The following FIGNL2 variants were observed in gnomAD, a reference collection of about 807,000 sequenced individuals.
FIGNL2 encodes fidgetin like 2.
For synonymous variants in FIGNL2, 565 were observed against 484.0 expected, an observed-to-expected ratio of 1.17 and a Z score of -2.20; for missense variants, 1,060 against 950.2, an observed-to-expected ratio of 1.12 and a Z score of -1.52.
At chr12:51,835,844 T>C (rs1939571228) in intron 1 of FIGNL2, among the ~76,000 whole-genome samples, 2 of 151,038 alleles carry the variant, frequency 1.3e-5, no homozygotes, top group Non-Finnish European at 2.9e-5. Context: ...TTCATTCTTA[T>C]CACCCAGGCT....
chr12:51,822,332 G>T lies in FIGNL2; in HGVS notation c.82C>A (p.Pro28Thr), dbSNP rs1490852794. The T allele has an allele frequency of 5.0e-6, 8 of 1,613,256 alleles. No homozygotes were observed. The highest frequency in any genetic ancestry group is 6.8e-6 in the Non-Finnish European group (8 of 1,179,734). The change falls in exon 2 of 2, where the codon CCG becomes ACG. Residue 28 changes from proline (P) to threonine (T), a missense_variant. Pro to Thr is a conservative substitution (Grantham distance 38). Transcript: ENST00000618634. ...HLDVSSTTPS[P>T]AHKLELPPGG... ...GGGGGCAACTCCAACTTGTGGGCCG[G>T]CGACGGGGTGGTGGAGGAGACGTCC...
In FIGNL2 at chr12:51,821,621, G is replaced by C. The variant is rs1224505943; in HGVS notation, c.793C>G (p.Leu265Val). ...CCCTCGTCGGCGGCCTTGCGCTTCA[G>C]CGACAGCCCGGATTCGGCACCCGGC... is the stretch of plus-strand genomic sequence containing the variant. ...AAPGAESGLS[L>V]KRKAADEGPE... is the part of the protein sequence containing the mutation. The change falls in exon 2 of 2, where the codon CTG becomes GTG. Residue 265 changes from leucine to valine, a missense_variant. Physicochemically the swap from Leu to Val is conservative, Grantham distance 32. Transcript: ENST00000618634. The C allele has an allele frequency of 1.5e-5, 23 of 1,494,908 alleles. No homozygotes were observed. The highest frequency in any genetic ancestry group is 1.9e-5 in the Non-Finnish European group (21 of 1,127,994). The allele number at this position is 1,494,908 out of a possible 1,614,324, so 92.6% of individuals were successfully genotyped here.
At position 51,833,616 on chromosome 12, in the gene FIGNL2, G is replaced by C. The variant is rs541322392; in HGVS notation, c.-11-11192C>G. Among the ~76,000 whole-genome samples, 1,225 of 151,930 alleles carry C rather than the reference G, an allele frequency of 8.1e-3. 13 individuals carry two copies. Among genetic ancestry groups the C allele is most frequent in the Non-Finnish European group, 0.014 (962 of 67,928 alleles). On this transcript the variant is annotated intron_variant, in intron 1 of 1. Transcript: ENST00000618634. ...CCCTGGCCTCCTCACAGCTCCTCCC[G>C]CCACGCTGCTTTCCACCTCAGTGCC...
In FIGNL2 at chr12:51,821,459, C is replaced by G. The variant is rs764168211; in HGVS notation, c.955G>C (p.Glu319Gln). Residue 319 changes from glutamate to glutamine, a missense_variant, in exon 2 of 2, where the codon GAG becomes CAG. Coordinates refer to ENST00000618634, the MANE Select transcript of FIGNL2 (RefSeq NM_001384995.1). ...FRAKPPGAAE[E>Q]ASGKYGGGVP... is the part of the protein sequence containing the mutation. ...CCGCCACCGTACTTGCCCGACGCCTCCTCCGCGGCTCCTGGCGGCTTGGCC... is the reference window on the plus strand; with the variant it reads ...CCGCCACCGTACTTGCCCGACGCCTGCTCCGCGGCTCCTGGCGGCTTGGCC... 1.3e-6 allele frequency: 2 copies of G among 1,539,096 alleles called. No individual in the cohort carries two copies. Among genetic ancestry groups the G allele is most frequent in the East Asian group, 5.1e-5 (2 of 39,484 alleles).
At chr12:51,837,054 C>G (rs1248861790) in intron 1 of FIGNL2, among the ~76,000 whole-genome samples, 1 of 152,156 alleles carries the variant, frequency 6.6e-6, no homozygotes, top group Non-Finnish European at 1.5e-5. Context: ...CTGCAACTGA[C>G]AAAGCCTGGG....
chr12:51,821,364 C>A lies in FIGNL2; in HGVS notation c.1050G>T (p.Glu350Asp). The A allele has an allele frequency of 6.6e-7, 1 of 1,504,340 alleles. No homozygotes were observed. Among genetic ancestry groups the A allele is most frequent in the Non-Finnish European group, 8.9e-7 (1 of 1,129,690 alleles). The allele number at this position is 1,504,340 out of a possible 1,614,324, so 93.2% of individuals were successfully genotyped here. ...ACCCCCCACGAGGAGCCGGGGCCCG[C>A]TCCGGGAACTTTTCAAAGGGCTCCA... The part of the protein sequence containing the change: ...PQLEPFEKFP[E>D]RAPAPRGGFA... Residue 350 changes from glutamate (E) to aspartate (D), a missense_variant, in exon 2 of 2, where the codon GAG becomes GAT. Coordinates refer to ENST00000618634, the MANE Select transcript of FIGNL2 (RefSeq NM_001384995.1).
chr12:51,847,382 C>G (rs1204579822), intron 1 of FIGNL2: 2 of 985,322 alleles, frequency 2.0e-6, no homozygotes, highest in Admixed American at 1.2e-4. Flanking sequence ...GGAACCGGGT[C>G]CCCACTCCTC....
intron 1 of FIGNL2, among the ~76,000 whole-genome samples, chr12:51,831,036 T>C (rs1311606313): frequency 6.6e-6 from 1 of 151,324 alleles, no homozygotes; most frequent in Non-Finnish European, 1.5e-5. Flanking sequence ...ACTCCGGGGC[T>C]CAGGCAGCCC....
At chr12:51,826,792 G>A (rs929951330) in intron 1 of FIGNL2, among the ~76,000 whole-genome samples, 2 of 152,198 alleles carry the variant, frequency 1.3e-5, no homozygotes, top group Admixed American at 6.5e-5. Flanking sequence ...ACCTAAGGGC[G>A]GGAAGAGGGT....
At chr12:51,824,204 C>G (rs948343216) in intron 1 of FIGNL2, 1 of 152,250 alleles carries the variant, frequency 6.6e-6, no homozygotes, top group Admixed American at 6.5e-5. Context: ...TGTGGACAAC[C>G]TACATAACCA....
chr12:51,821,862 C>G lies in FIGNL2; in HGVS notation c.552G>C (p.Pro184=). 1 of 1,289,150 alleles carries G rather than the reference C, an allele frequency of 7.8e-7. No individual in the cohort carries two copies. The highest frequency in any genetic ancestry group is 9.8e-7 in the Non-Finnish European group (1 of 1,021,846). The allele number at this position is 1,289,150 out of a possible 1,614,324, so 79.9% of individuals were successfully genotyped here. The change falls in exon 2 of 2, where the codon CCG becomes CCC. Residue 184 remains proline (P), a synonymous_variant. Transcript: ENST00000618634. ...GCGGTGGGGGCTGCAGGAGCGCGGC[C>G]GGGGGCGGCGGGGGCAGCGCGGCGC... ...QTGAALPPPP[P]AALLQPPPPP...
intron 1 of FIGNL2, among the ~76,000 whole-genome samples, chr12:51,836,915 C>T (rs1257398494): frequency 1.3e-5 from 2 of 152,118 alleles, no homozygotes; most frequent in African/African-American, 2.4e-5. Context: ...GGTGCGCAGA[C>T]ACACACACTC....
chr12:51,845,387 A>G, intron 1 of FIGNL2: 2 of 862,806 alleles, frequency 2.3e-6, no homozygotes. Context: ...CCAGCTCCCA[A>G]AAGGGGGCAG....
At chr12:51,826,190 CTTGA>C (rs1276995185) in intron 1 of FIGNL2, among the ~76,000 whole-genome samples, 1 of 151,912 alleles carries the variant, frequency 6.6e-6, no homozygotes, top group African/African-American at 2.4e-5. Flanking sequence ...ACACAGTTAG[CTTGA>C]TTAATTCTCA....
In FIGNL2 at chr12:51,820,997, G is replaced by A. The variant is rs1939165010; in HGVS notation, c.1417C>T (p.Leu473Phe). 1.7e-6 allele frequency: 2 copies of A among 1,196,162 alleles called. No individual in the cohort carries two copies. 74.1% of individuals were successfully genotyped at this position (1,196,162 alleles called of 1,614,324 possible). A position where few individuals can be genotyped will look rare whatever the true frequency, so the allele number is the denominator to read the frequency against. The change falls in exon 2 of 2, where the codon CTC becomes TTC. Residue 473 changes from leucine to phenylalanine, a missense_variant. Coordinates refer to ENST00000618634, the MANE Select transcript of FIGNL2 (RefSeq NM_001384995.1). ...APGAAEGARL[L>F]QAAFAAARCR... Reference sequence around the variant, plus strand: ...CGCGCGGCCGCGAAGGCGGCCTGGAGGAGGCGCGCGCCCTCGGCGGCGCCG... The same window carrying A: ...CGCGCGGCCGCGAAGGCGGCCTGGAAGAGGCGCGCGCCCTCGGCGGCGCCG...
intron 1 of FIGNL2, chr12:51,847,883 T>C: frequency 1.0e-6 from 1 of 956,694 alleles, no homozygotes; most frequent in Non-Finnish European, 1.2e-6. Context: ...TTGTTGCCTG[T>C]AGCCCCAGGG....
Position 51,821,022 on chromosome 12 carries a change from G to A in FIGNL2, c.1392C>T (p.Pro464=), listed in dbSNP as rs1939166183. The A allele has an allele frequency of 2.6e-6, 3 of 1,176,444 alleles. No homozygotes were observed. The highest frequency in any genetic ancestry group is 3.1e-6 in the Non-Finnish European group (3 of 954,386). The allele number at this position is 1,176,444 out of a possible 1,614,324, so 72.9% of individuals were successfully genotyped here. Residue 464 remains proline, a synonymous_variant, in exon 2 of 2, where the codon CCC becomes CCT. Transcript: ENST00000618634. ...GGAGGCGCGCGCCCTCGGCGGCGCC[G>A]GGCGCAGCCAGGGTCGCGCCGCGCA... The part of the protein sequence containing the change: ...LRLRGATLAA[P]GAAEGARLLQ...
At chr12:51,834,730 C>T (rs779255734) in intron 1 of FIGNL2, among the ~76,000 whole-genome samples, 10 of 152,352 alleles carry the variant, frequency 6.6e-5, no homozygotes, top group East Asian at 1.9e-4. Flanking sequence ...CCTGTGTCCG[C>T]GGTCAGGGCC....
intron 1 of FIGNL2, chr12:51,845,424 T>C: frequency 2.1e-6 from 2 of 974,116 alleles, no homozygotes; most frequent in Middle Eastern, 5.3e-4. Context: ...AGGTAGCAGA[T>C]GCCAGCACCC....
Sources: gnomAD v4.1 joint callset for allele counts (sites outside exome capture counted in the v4.1 genomes callset) on GRCh38, gnomAD v4.1.1 for gene constraint, MANE v1.5 for transcripts, NCBI Gene and HGNC (gene_info 2026-07-23, HGNC 2026-07-21) for gene names.